The following RELN variants were observed in gnomAD, a reference collection of about 807,000 sequenced individuals.
RELN encodes the protein reelin.
A neutral mutation model predicts 427.6 loss-of-function variants in RELN; 108 were observed. The observed-to-expected ratio is 0.25, with a 90% CI of 0.22 to 0.30. The LOEUF (loss-of-function observed/expected upper bound fraction) is 0.30, where lower values mean the gene tolerates loss of function less well. Among genes scored for constraint, RELN ranks in the 10% least tolerant of loss-of-function variants. RELN has a pLI of 1.00. For missense variants in RELN, 3,715 were observed against 4,302.8 expected, an observed-to-expected ratio of 0.86 and a Z score of 3.82; for synonymous variants, 1,524 against 1,513.4, an observed-to-expected ratio of 1.01 and a Z score of -0.16.
intron 24 of RELN, among the ~76,000 whole-genome samples, chr7:103,601,549 G>C (rs362637): frequency 0.24 from 35,752 of 152,134 alleles, 5,113 homozygotes; most frequent in South Asian, 0.37. Flanking sequence ...ATGCTGTAAA[G>C]TGGGACACCT....
chr7:103,866,251 A>G (rs1794194228), intron 2 of RELN, among the ~76,000 whole-genome samples: 1 of 152,168 alleles, frequency 6.6e-6, no homozygotes, highest in Non-Finnish European at 1.5e-5. Flanking sequence ...ATTTCACCAT[A>G]TATAAAAGAG....
intron 20 of RELN, among the ~76,000 whole-genome samples, chr7:103,617,295 C>T (rs1832103114): frequency 6.6e-6 from 1 of 151,932 alleles, no homozygotes. Flanking sequence ...TGAAAATATT[C>T]CCTTGCTTCA....
At chr7:103,911,233 G>A (rs1795358064) in intron 2 of RELN, among the ~76,000 whole-genome samples, 1 of 145,148 alleles carries the variant, frequency 6.9e-6, no homozygotes, top group Non-Finnish European at 1.5e-5. Context: ...CATTTATGCA[G>A]CCAAAAAACA....
chr7:103,833,706 A>G (rs1793330399), intron 2 of RELN, 34 bp from the exon 3 acceptor site: 4 of 1,597,720 alleles, frequency 2.5e-6, no homozygotes, highest in Non-Finnish European at 3.4e-6. Context: ...TTACAAAGAC[A>G]ACAAAACAAA....
rs79887951 is a variant in RELN at position 103,824,079 on chromosome 7, T to C, written c.473+9458A>G. On this transcript the variant is annotated intron_variant, in intron 3 of 64. Coordinates refer to ENST00000428762, the MANE Select transcript of RELN (RefSeq NM_005045.4). The surrounding 1 kb of genome is among the most constrained non-coding windows in gnomAD (Gnocchi z 4.4). ...TTGTCACCTTTGATGTTTTCTGTCG[T>C]TGATATACTGAAGGCTTATCACGAC... Among the ~76,000 whole-genome samples the C allele has an allele frequency of 3.5e-4, 54 of 152,242 alleles. No homozygotes were observed. In the East Asian group the frequency reaches 9.8e-3, roughly 28 times the overall value.
At chr7:103,958,370 G>A (rs1385493267) in intron 1 of RELN, among the ~76,000 whole-genome samples, 2 of 152,224 alleles carry the variant, frequency 1.3e-5, no homozygotes, top group Non-Finnish European at 2.9e-5. Context: ...CAGGAGTTAA[G>A]GTCTGATTTG....
At chr7:103,930,919 T>G (rs1756859681) in intron 1 of RELN, among the ~76,000 whole-genome samples, 1 of 151,502 alleles carries the variant, frequency 6.6e-6, no homozygotes, top group Non-Finnish European at 1.5e-5. Context: ...TGTCTCCTTC[T>G]GTTCTTTTTA....
At chr7:103,829,865 T>G (rs1793233915) in intron 3 of RELN, among the ~76,000 whole-genome samples, 1 of 152,010 alleles carries the variant, frequency 6.6e-6, no homozygotes, top group South Asian at 2.1e-4. Context: ...AAAAAGGATT[T>G]TAAATAGGTA....
chr7:103,689,684 G>A (rs142669636), intron 10 of RELN, among the ~76,000 whole-genome samples: 44 of 152,120 alleles, frequency 2.9e-4, no homozygotes, highest in African/African-American at 1.0e-3. Flanking sequence ...ACTATTAAAG[G>A]ATGAGGAAAA....
intron 8 of RELN, among the ~76,000 whole-genome samples, chr7:103,713,352 G>A (rs1316242245): frequency 6.6e-6 from 1 of 152,164 alleles, no homozygotes; most frequent in Non-Finnish European, 1.5e-5. Flanking sequence ...AGAACTCCCT[G>A]CTACAAACTA....
intron 1 of RELN, among the ~76,000 whole-genome samples, chr7:103,981,001 A>G (rs1449090246): frequency 1.3e-5 from 2 of 152,234 alleles, no homozygotes; most frequent in Non-Finnish European, 2.9e-5. Flanking sequence ...ATCATAACAT[A>G]TCTCAACATT....
chr7:103,725,765 T>C (rs943565715), intron 7 of RELN, among the ~76,000 whole-genome samples: 12 of 152,080 alleles, frequency 7.9e-5, no homozygotes, highest in Non-Finnish European at 1.2e-4. Flanking sequence ...TTCACTGGGT[T>C]AAATAAAACC....
chr7:103,661,549 G>C, intron 11 of RELN, 22 bp from the exon 12 acceptor site: 6 of 1,609,802 alleles, frequency 3.7e-6, no homozygotes, highest in Non-Finnish European at 5.1e-6. Context: ...GGGGGATTAA[G>C]AGTTAGAGTT....
intron 28 of RELN, among the ~76,000 whole-genome samples, chr7:103,578,424 G>A (rs887499595): frequency 5.3e-5 from 8 of 152,206 alleles, no homozygotes; most frequent in African/African-American, 1.9e-4. Context: ...ATAGAAGACT[G>A]TATTTCAGAG....
rs1831768582 is a variant in RELN at position 103,604,540 on chromosome 7, G to C, written c.3009-57C>G. 1.1e-5 allele frequency: 17 copies of C among 1,579,634 alleles called. No individual in the cohort carries two copies. In the South Asian group the frequency reaches 1.4e-4, roughly 13 times the overall value. On this transcript the variant is annotated intron_variant, in intron 22 of 64. Transcript: ENST00000428762. ...TTTCAACCTTTCAGCAGTGACATTG[G>C]CAAAGAATGTCAGAGTCCAAAATCT...
intron 20 of RELN, among the ~76,000 whole-genome samples, chr7:103,618,804 G>A (rs1832143305): frequency 6.6e-6 from 1 of 152,086 alleles, no homozygotes; most frequent in Non-Finnish European, 1.5e-5. Flanking sequence ...TGAGTTTCTT[G>A]GCTGCTGTTA....
chr7:103,842,150 G>T (rs767216692), intron 2 of RELN, among the ~76,000 whole-genome samples: 1 of 151,932 alleles, frequency 6.6e-6, no homozygotes, highest in Admixed American at 6.6e-5. Context: ...GTCTACATAA[G>T]AAGTGTAAGC....
chr7:103,806,124 G>A (rs895793740), intron 3 of RELN, among the ~76,000 whole-genome samples: 4 of 152,178 alleles, frequency 2.6e-5, no homozygotes, highest in Non-Finnish European at 5.9e-5. Context: ...TAATTTTTCA[G>A]GTGACAAGGG....
chr7:103,488,786 C>G (rs564125844), intron 60 of RELN, among the ~76,000 whole-genome samples: 7 of 152,288 alleles, frequency 4.6e-5, no homozygotes, highest in African/African-American at 1.7e-4. Flanking sequence ...TTTAGCCTCC[C>G]TGAGTCTCAG....
Sources: gnomAD v4.1 joint callset for allele counts (sites outside exome capture counted in the v4.1 genomes callset) on GRCh38, gnomAD v4.1.1 for gene constraint, Gnocchi (gnomAD v3.1) non-coding constraint, MANE v1.5 for transcripts, NCBI Gene and HGNC (gene_info 2026-07-23, HGNC 2026-07-21) for gene names.